Variants in FBXO25 observed in about 807,000 individuals in gnomAD.
FBXO25 encodes the protein F-box protein 25.
Under a neutral mutation model 51.9 loss-of-function variants are expected in FBXO25, and 45 were observed. That is an observed-to-expected ratio of 0.87 (90% CI 0.68 to 1.11). The LOEUF is 1.11. Among genes scored for constraint, FBXO25 ranks in the 50% most tolerant of loss-of-function variants. The pLI is 0.00. For missense variants in FBXO25, 507 were observed against 428.5 expected (o/e 1.18, Z -1.62); for synonymous variants, 199 against 151.0 (o/e 1.32, Z -2.33).
At chr8:468,484 T>C (rs1012571009) in intron 9 of FBXO25, among the ~76,000 whole-genome samples, 2 of 152,084 alleles carry the variant, frequency 1.3e-5, no homozygotes, top group Non-Finnish European at 2.9e-5. Flanking sequence ...AGGGCAGACC[T>C]GGGGCCACCG....
At chr8:414,968 G>C (rs1563061220) in intron 2 of FBXO25, among the ~76,000 whole-genome samples, 2 of 152,156 alleles carry the variant, frequency 1.3e-5, no homozygotes, top group Non-Finnish European at 2.9e-5. Flanking sequence ...GGCTGTTGGT[G>C]ACCTGAAACT....
chr8:448,558 A>T (rs1366775020), intron 5 of FBXO25, among the ~76,000 whole-genome samples: 2 of 152,234 alleles, frequency 1.3e-5, no homozygotes, highest in African/African-American at 2.4e-5. Flanking sequence ...GAACTCAGGG[A>T]ATACTTACTG....
At chr8:466,930 C>G (rs1480777608) in intron 9 of FBXO25, among the ~76,000 whole-genome samples, 2 of 152,116 alleles carry the variant, frequency 1.3e-5, no homozygotes, top group Non-Finnish European at 2.9e-5. Context: ...GACTTGTTGG[C>G]TGGGTCAGGG....
intron 5 of FBXO25, among the ~76,000 whole-genome samples, chr8:445,828 G>A (rs144974492): frequency 1.8e-3 from 273 of 152,296 alleles, no homozygotes; most frequent in African/African-American, 6.3e-3. Context: ...CCGAGATCGC[G>A]CCATTGCACT....
At chr8:446,070 C>A (rs1298274653) in intron 5 of FBXO25, among the ~76,000 whole-genome samples, 1 of 152,074 alleles carries the variant, frequency 6.6e-6, no homozygotes, top group African/African-American at 2.4e-5. Context: ...TATTCCTCAT[C>A]TCTCCTGAGT....
chr8:446,745 C>T (rs940880259), intron 5 of FBXO25, among the ~76,000 whole-genome samples: 2 of 152,212 alleles, frequency 1.3e-5, no homozygotes, highest in Non-Finnish European at 2.9e-5. Context: ...GTGCCCTCAA[C>T]TGGTGTGTTT....
intron 5 of FBXO25, among the ~76,000 whole-genome samples, chr8:448,202 G>A (rs558513200): frequency 6.6e-6 from 1 of 152,244 alleles, no homozygotes; most frequent in East Asian, 1.9e-4. Flanking sequence ...TAAAGATAAT[G>A]TTCAGGAAAA....
intron 7 of FBXO25, among the ~76,000 whole-genome samples, chr8:452,151 A>G (rs913320334): frequency 1.3e-5 from 2 of 152,222 alleles, no homozygotes; most frequent in Non-Finnish European, 2.9e-5. Context: ...CAGTTTTCAC[A>G]TAAAGGAATG....
At position 473,461 on chromosome 8, in the gene FBXO25, C is replaced by T. The variant is rs1203807762; in HGVS notation, c.*4657C>T. ...GATGAAGGAGTTGCTCCCCAGGGCA[C>T]CTGCCCCAATACAGGCCACGTGGAT... On this transcript the variant is annotated 3_prime_UTR_variant, in exon 10 of 10. Coordinates refer to ENST00000350302, the MANE Select transcript of FBXO25 (RefSeq NM_183420.2). The T allele has an allele frequency of 6.6e-6, 1 of 152,316 alleles. No homozygotes were observed. The highest frequency in any genetic ancestry group is 1.5e-5 in the Non-Finnish European group (1 of 68,114). 9.4% of individuals were successfully genotyped at this position (152,316 alleles called of 1,614,324 possible).
intron 5 of FBXO25, among the ~76,000 whole-genome samples, chr8:436,584 T>C (rs935330204): frequency 6.6e-6 from 1 of 152,210 alleles, no homozygotes. Flanking sequence ...AGCCACCACA[T>C]GCAGGCTGGA....
intron 3 of FBXO25, among the ~76,000 whole-genome samples, chr8:432,465 G>C (rs1797873262): frequency 6.6e-6 from 1 of 152,216 alleles, no homozygotes; most frequent in African/African-American, 2.4e-5. Flanking sequence ...AGAAGATAGG[G>C]TCACATGGAG....
At chr8:467,674 T>A in intron 9 of FBXO25, 2 of 1,605,498 alleles carry the variant, frequency 1.2e-6, no homozygotes, top group Non-Finnish European at 1.7e-6. Context: ...TTTTTTTCCC[T>A]CCCTTCACTG....
chr8:464,334 T>A (rs1255747959), intron 9 of FBXO25, among the ~76,000 whole-genome samples: 1 of 139,878 alleles, frequency 7.1e-6, no homozygotes, highest in African/African-American at 3.0e-5. Context: ...CGTTTGAACA[T>A]GTTTATGTTG....
intron 4 of FBXO25, among the ~76,000 whole-genome samples, chr8:435,000 C>A (rs898954096): frequency 6.6e-6 from 1 of 152,170 alleles, no homozygotes; most frequent in Non-Finnish European, 1.5e-5. Flanking sequence ...CCAGCACTTG[C>A]CTTCAGCCCT....
intron 2 of FBXO25, among the ~76,000 whole-genome samples, chr8:413,727 G>A (rs991272203): frequency 2.6e-5 from 4 of 152,198 alleles, no homozygotes; most frequent in African/African-American, 7.2e-5. Context: ...CGCTCAGGCC[G>A]AAGGGTAGGT....
At chr8:408,540 T>C (rs1183500702) in intron 1 of FBXO25, among the ~76,000 whole-genome samples, 1 of 152,246 alleles carries the variant, frequency 6.6e-6, no homozygotes, top group Non-Finnish European at 1.5e-5. Context: ...TTTTCTACCT[T>C]GGAGGACAGT....
chr8:453,849 G>A (rs1799251114), intron 7 of FBXO25, among the ~76,000 whole-genome samples: 2 of 151,976 alleles, frequency 1.3e-5, no homozygotes, highest in Admixed American at 6.6e-5. Flanking sequence ...CTGGCCGGGC[G>A]CGGTGGCCCA....
At chr8:459,367 C>T (rs77255506) in intron 8 of FBXO25, among the ~76,000 whole-genome samples, 6 of 152,154 alleles carry the variant, frequency 3.9e-5, no homozygotes, top group African/African-American at 9.7e-5. Flanking sequence ...GGCAGAGAGC[C>T]GGACCCTAGC....
At chr8:410,092 A>G (rs1330977762) in intron 1 of FBXO25, among the ~76,000 whole-genome samples, 4 of 152,186 alleles carry the variant, frequency 2.6e-5, no homozygotes, top group Non-Finnish European at 5.9e-5. Context: ...GCGAAGATCG[A>G]GTCCTAGTTT....
Sources: allele counts gnomAD v4.1 joint callset (sites outside exome capture counted in the v4.1 genomes callset), GRCh38; gene constraint gnomAD v4.1.1; transcripts MANE v1.5; gene names NCBI Gene and HGNC (gene_info 2026-07-23, HGNC 2026-07-21).